Variants in APBA1 observed in about 807,000 individuals in gnomAD.
APBA1 encodes amyloid-beta A4 precursor protein-binding family A member 1.
APBA1 carries 55 observed loss-of-function variants against 86.6 expected under a neutral mutation model. That is an observed-to-expected ratio of 0.64 (90% CI 0.51 to 0.80). The LOEUF is 0.80. Among genes scored for constraint, APBA1 ranks in the 30% least tolerant of loss-of-function variants. APBA1 has a pLI of 0.00. For missense variants in APBA1, 1,090 were observed against 1,183.0 expected (o/e 0.92, Z 1.15); for synonymous variants, 511 against 493.9 (o/e 1.03, Z -0.46).
chr9:69,590,748 G>A (rs1361593664), intron 1 of APBA1, among the ~76,000 whole-genome samples: 1 of 152,172 alleles, frequency 6.6e-6, no homozygotes. Flanking sequence ...CATACACTGT[G>A]CTTCCCCTGG....
intron 11 of APBA1, among the ~76,000 whole-genome samples, chr9:69,440,222 CA>C (rs1478244703): frequency 6.6e-6 from 1 of 152,208 alleles, no homozygotes; most frequent in East Asian, 1.9e-4. Context: ...TTAGGCTACT[CA>C]GGGGTCAGGG....
chr9:69,516,806 G>A lies in APBA1; in HGVS notation c.405C>T (p.Ala135=). The change falls in exon 2 of 13, where the codon GCC becomes GCT. Residue 135 remains alanine (A), a synonymous_variant. Coordinates refer to ENST00000265381, the MANE Select transcript of APBA1 (RefSeq NM_001163.4). This position sits in a 1 kb window ranked among gnomAD's most constrained non-coding sequence, Gnocchi z 7.3. ...EAEEYTEQAE[A]EHAEATHRRA... is the part of the protein sequence containing the mutation. ...GGCGGTGCGTGGCCTCGGCGTGCTC[G>A]GCCTCTGCCTGCTCCGTGTACTCCT... is the stretch of plus-strand genomic sequence containing the variant. 1 of 1,608,700 alleles carries A rather than the reference G, an allele frequency of 6.2e-7. No individual in the cohort carries two copies. Among genetic ancestry groups the A allele is most frequent in the Non-Finnish European group, 8.5e-7 (1 of 1,179,374 alleles).
At chr9:69,544,085 T>C (rs1458764900) in intron 1 of APBA1, among the ~76,000 whole-genome samples, 1 of 152,230 alleles carries the variant, frequency 6.6e-6, no homozygotes, top group Non-Finnish European at 1.5e-5. Flanking sequence ...GTAGTAATAC[T>C]ACCTTCTACT....
intron 1 of APBA1, among the ~76,000 whole-genome samples, chr9:69,657,036 G>A (rs1043970603): frequency 2.7e-5 from 4 of 150,482 alleles, no homozygotes; most frequent in Admixed American, 6.6e-5. Flanking sequence ...TAGTAGAGAC[G>A]GGGTTTCACC....
At chr9:69,440,585 G>C (rs1033695401) in intron 11 of APBA1, among the ~76,000 whole-genome samples, 6 of 152,190 alleles carry the variant, frequency 3.9e-5, no homozygotes, top group African/African-American at 1.4e-4. Flanking sequence ...TCCGAGCCAG[G>C]TGTGGGGTAT....
chr9:69,594,012 G>A (rs1399241306), intron 1 of APBA1, among the ~76,000 whole-genome samples: 1 of 152,094 alleles, frequency 6.6e-6, no homozygotes, highest in African/African-American at 2.4e-5. Context: ...ATCTTCTGGC[G>A]TTAGATTCCG....
chr9:69,586,923 C>T (rs1822030567), intron 1 of APBA1, among the ~76,000 whole-genome samples: 1 of 152,142 alleles, frequency 6.6e-6, no homozygotes, highest in African/African-American at 2.4e-5. Flanking sequence ...ACCAAGAGTT[C>T]CATATACTTT....
At chr9:69,506,010 C>T (rs1431077428) in intron 2 of APBA1, among the ~76,000 whole-genome samples, 1 of 150,124 alleles carries the variant, frequency 6.7e-6, no homozygotes, top group African/African-American at 2.5e-5. Flanking sequence ...CAGAGCAAGA[C>T]TCCATCTAAA....
intron 1 of APBA1, among the ~76,000 whole-genome samples, chr9:69,627,325 CCTT>C (rs1822953481): frequency 6.6e-6 from 1 of 152,094 alleles, no homozygotes; most frequent in African/African-American, 2.4e-5. Context: ...TTTTATTTCT[CCTT>C]CTCTCTCTCA....
intron 10 of APBA1, among the ~76,000 whole-genome samples, chr9:69,444,321 G>A (rs879338542): frequency 2.6e-5 from 4 of 152,146 alleles, no homozygotes; most frequent in Admixed American, 2.6e-4. Context: ...AAGGATCCAG[G>A]CCTTCCATAT....
At chr9:69,441,526 A>T (rs1834824699) in intron 10 of APBA1, among the ~76,000 whole-genome samples, 1 of 152,210 alleles carries the variant, frequency 6.6e-6, no homozygotes, top group African/African-American at 2.4e-5. Flanking sequence ...TTTTCTTCTG[A>T]AAGGCAAACT....
Position 69,427,937 on chromosome 9 carries a change from A to T in APBA1, c.*3390T>A, listed in dbSNP as rs1834516229. On this transcript the variant is annotated 3_prime_UTR_variant, in exon 13 of 13. Transcript: ENST00000265381. ...ACTCTAGGTGCTGTGCTAAGTATGT[A>T]CAAGAAATGTCATTCCCACACAGTC... The T allele has an allele frequency of 6.6e-6, 1 of 152,218 alleles. No individual in the cohort carries two copies. Among genetic ancestry groups the T allele is most frequent in the Non-Finnish European group, 1.5e-5 (1 of 68,052 alleles). 9.4% of individuals were successfully genotyped at this position (152,218 alleles called of 1,614,324 possible).
rs565296132 is a variant in APBA1 at position 69,597,085 on chromosome 9, T to C, written c.-70+75068A>G. On this transcript the variant is annotated intron_variant, in intron 1 of 12. Coordinates refer to ENST00000265381, the MANE Select transcript of APBA1 (RefSeq NM_001163.4). ...CTAATACATTACAGAAAGATTCCCA[T>C]TGACATGGGTAAAAGTTTTAAAAGA... Among the ~76,000 whole-genome samples, 5 of 152,356 alleles carry C rather than the reference T, an allele frequency of 3.3e-5. No individual in the cohort carries two copies. The East Asian group carries it at 7.7e-4, about 23-fold the overall frequency.
At chr9:69,662,065 A>C (rs1319326616) in intron 1 of APBA1, among the ~76,000 whole-genome samples, 3 of 150,462 alleles carry the variant, frequency 2.0e-5, no homozygotes, top group African/African-American at 7.4e-5. Context: ...CAGACATCCC[A>C]AGTAGGATGA....
chr9:69,590,014 AC>A (rs1822099440), intron 1 of APBA1, among the ~76,000 whole-genome samples: 1 of 151,704 alleles, frequency 6.6e-6, no homozygotes, highest in Non-Finnish European at 1.5e-5. Context: ...TGCTCTTTTC[AC>A]CCTCCTTCCC....
chr9:69,659,849 G>A (rs1823716032), intron 1 of APBA1, among the ~76,000 whole-genome samples: 1 of 152,118 alleles, frequency 6.6e-6, no homozygotes, highest in Non-Finnish European at 1.5e-5. Flanking sequence ...TCCAGGTTAT[G>A]GAAAATTAAT....
intron 10 of APBA1, among the ~76,000 whole-genome samples, chr9:69,449,086 T>C (rs1437754423): frequency 6.6e-6 from 1 of 152,114 alleles, no homozygotes; most frequent in South Asian, 2.1e-4. Context: ...CACATGTGAG[T>C]TGCTTTACCC....
intron 1 of APBA1, among the ~76,000 whole-genome samples, chr9:69,645,795 G>A (rs1823380128): frequency 6.6e-6 from 1 of 152,190 alleles, no homozygotes; most frequent in South Asian, 2.1e-4. Flanking sequence ...GCTCCCTAGA[G>A]GTGGCACTTT....
At chr9:69,492,265 G>GTATTAACT (rs1835726401) in intron 2 of APBA1, among the ~76,000 whole-genome samples, 1 of 151,906 alleles carries the variant, frequency 6.6e-6, no homozygotes. Context: ...CCCACCTCCC[G>GTATTAACT]GGTTGCCATG....
Sources: gnomAD v4.1 joint callset for allele counts (sites outside exome capture counted in the v4.1 genomes callset) on GRCh38, gnomAD v4.1.1 for gene constraint, Gnocchi (gnomAD v3.1) non-coding constraint, MANE v1.5 for transcripts, NCBI Gene and HGNC (gene_info 2026-07-23, HGNC 2026-07-21) for gene names.